Variants in GLE1 observed in about 807,000 individuals in gnomAD.
GLE1 encodes the protein GLE1 RNA export mediator.
GLE1 carries 78 observed loss-of-function variants against 97.3 expected under a neutral mutation model. That is an observed-to-expected ratio of 0.80 (90% CI 0.67 to 0.97). GLE1 has a LOEUF of 0.97. Ranked by LOEUF, GLE1 falls within the 50% of genes least tolerant of loss-of-function variation. The pLI, the probability that GLE1 is intolerant of heterozygous loss-of-function variation, is 0.00. For synonymous variants in GLE1, 302 were observed against 313.4 expected (o/e 0.96, Z 0.39); for missense variants, 753 against 857.5 (o/e 0.88, Z 1.52).
rs764758214 is a variant in GLE1 at position 128,540,241 on chromosome 9, T to TAGGTGTGATTCATGTGTCTTTCTCTCCC, written c.1965-33_1965-6dup. On this transcript the variant is annotated intron_variant, in intron 14 of 15. Coordinates refer to ENST00000309971, the MANE Select transcript of GLE1 (RefSeq NM_001003722.2). ...GTTTCCAAAAGATAGGTGTATATCA[T>TAGGTGTGATTCATGTGTCTTTCTCTCCC]AGGTGTGATTCATGTGTCTTTCTCT... 173 of 1,400,798 alleles carry TAGGTGTGATTCATGTGTCTTTCTCTCCC rather than the reference T, an allele frequency of 1.2e-4. 1 individual carries two copies. The Admixed American group carries it at 2.9e-3, about 23-fold the overall frequency. The allele number at this position is 1,400,798 out of a possible 1,614,324, so 86.8% of individuals were successfully genotyped here.
At chr9:128,539,748 G>A in intron 14 of GLE1, 50 bp downstream of exon 14, 1 of 1,613,714 alleles carries the variant, frequency 6.2e-7, no homozygotes, top group East Asian at 2.2e-5. Context: ...CTCATAACCA[G>A]GCCTCAGATA....
upstream of GLE1, chr9:128,504,714 G>C: frequency 3.4e-6 from 3 of 893,500 alleles, no homozygotes; most frequent in South Asian, 1.3e-5. Context: ...GCGCGTCCCG[G>C]AAGCAGAAGC....
chr9:128,534,127 G>T (rs898970259), intron 11 of GLE1, among the ~76,000 whole-genome samples, 176 bp downstream of exon 11: 7 of 152,108 alleles, frequency 4.6e-5, no homozygotes, highest in African/African-American at 1.7e-4. Context: ...CAACATTTTG[G>T]GAGGCCAAGT....
At chr9:128,505,570 C>A (rs1400011475) in intron 1 of GLE1, among the ~76,000 whole-genome samples, 1 of 152,200 alleles carries the variant, frequency 6.6e-6, no homozygotes, top group African/African-American at 2.4e-5. Flanking sequence ...TGACTGCCAG[C>A]ATATGTGCTT....
intron 1 of GLE1, among the ~76,000 whole-genome samples, chr9:128,506,738 T>C (rs1846650824): frequency 1.3e-5 from 2 of 152,182 alleles, no homozygotes; most frequent in Admixed American, 6.5e-5. Flanking sequence ...CACACACACA[T>C]TTATGTACTG....
rs900331586 is a variant in GLE1 at position 128,531,756 on chromosome 9, C to T, written c.1313-1757C>T. On this transcript the variant is annotated intron_variant, in intron 9 of 15. Coordinates refer to ENST00000309971, the MANE Select transcript of GLE1 (RefSeq NM_001003722.2). ...CTGAGGTGGAAGAATCACTTGAACC[C>T]GGAAGGCAGAGGTTGCAGTGAGGTG... Among the ~76,000 whole-genome samples, 18 of 145,694 alleles carry T rather than the reference C, an allele frequency of 1.2e-4. 1 individual carries two copies. The highest frequency in any genetic ancestry group is 3.4e-3 in the Middle Eastern group (1 of 298).
chr9:128,526,205 A>G (rs1847296235), intron 7 of GLE1, among the ~76,000 whole-genome samples: 1 of 150,650 alleles, frequency 6.6e-6, no homozygotes, highest in African/African-American at 2.4e-5. Flanking sequence ...TATTTTTAGT[A>G]AAGATGGGAT....
intron 3 of GLE1, among the ~76,000 whole-genome samples, chr9:128,522,378 C>A (rs912020444): frequency 6.6e-6 from 1 of 152,076 alleles, no homozygotes; most frequent in Non-Finnish European, 1.5e-5. Flanking sequence ...CATTTTCGGC[C>A]GGGCGAGGTG....
rs779059573 is a variant in GLE1 at position 128,515,664 on chromosome 9, A to T, written c.432+25A>T. On this transcript the variant is annotated intron_variant, in intron 3 of 15. Transcript: ENST00000309971. Reference sequence around the variant, plus strand: ...AGTAAGTGAACCCATGAAGGAAGGCAGCCTTGATCCTGCGAGCCACATTTA... The same window carrying T: ...AGTAAGTGAACCCATGAAGGAAGGCTGCCTTGATCCTGCGAGCCACATTTA... The T allele has an allele frequency of 4.7e-6, 6 of 1,269,288 alleles. No individual in the cohort carries two copies. In the South Asian group the frequency reaches 7.2e-5, roughly 15 times the overall value. The allele number at this position is 1,269,288 out of a possible 1,614,324, so 78.6% of individuals were successfully genotyped here.
At position 128,541,440 on chromosome 9, in the gene GLE1, C is replaced by T; in HGVS notation, c.*270C>T. ...GTTTTTTGCAAAAGTGATAAAAGGT[C>T]TTTAGCACTTGGTCTCCTCCCTTGT... On this transcript the variant is annotated 3_prime_UTR_variant, in exon 16 of 16. Coordinates refer to ENST00000309971, the MANE Select transcript of GLE1 (RefSeq NM_001003722.2). The T allele has an allele frequency of 2.1e-6, 1 of 483,008 alleles. No individual in the cohort carries two copies. The highest frequency in any genetic ancestry group is 3.8e-6 in the Non-Finnish European group (1 of 265,198). 29.9% of individuals were successfully genotyped at this position (483,008 alleles called of 1,614,324 possible). A position where few individuals can be genotyped will look rare whatever the true frequency, so the allele number is the denominator to read the frequency against.
chr9:128,537,632 T>C (rs1183863685), intron 12 of GLE1, among the ~76,000 whole-genome samples: 1 of 151,870 alleles, frequency 6.6e-6, no homozygotes, highest in Middle Eastern at 3.2e-3. Context: ...GGTGAAACCA[T>C]GTCTCTAAAT....
intron 2 of GLE1, among the ~76,000 whole-genome samples, chr9:128,515,062 G>A (rs1427291840): frequency 3.3e-5 from 5 of 152,046 alleles, no homozygotes; most frequent in African/African-American, 4.8e-5. Context: ...TTTGTGATCC[G>A]CCCACCTCTG....
chr9:128,527,208 A>G lies in GLE1; in HGVS notation c.1159A>G (p.Met387Val), dbSNP rs771861115. The G allele has an allele frequency of 4.4e-6, 7 of 1,608,128 alleles. No homozygotes were observed. Among genetic ancestry groups the G allele is most frequent in the Admixed American group, 3.3e-5 (2 of 59,988 alleles). ...DLQVKVQDIT[M>V]QWYQQLQDAS... ...CCAGGTGAAGGTACAAGACATTACA[A>G]TGCAGTGGTACCAGCAGCTGCAGGA... Residue 387 changes from methionine to valine, a missense_variant, in exon 8 of 16, where the codon ATG (methionine) becomes GTG (valine). Met to Val is a conservative substitution (Grantham distance 21, BLOSUM62 1). Coordinates refer to ENST00000309971, the MANE Select transcript of GLE1 (RefSeq NM_001003722.2).
chr9:128,536,193 C>T (rs1319604737), intron 11 of GLE1, among the ~76,000 whole-genome samples, 162 bp from the exon 12 acceptor site: 1 of 152,030 alleles, frequency 6.6e-6, no homozygotes, highest in Non-Finnish European at 1.5e-5. Context: ...ACCACCATAC[C>T]CAGTTAATTT....
intron 2 of GLE1, among the ~76,000 whole-genome samples, chr9:128,511,376 A>T (rs1031473762): frequency 6.6e-6 from 1 of 151,104 alleles, no homozygotes; most frequent in African/African-American, 2.4e-5. Flanking sequence ...CGTCTTAAGG[A>T]AAAAAAGGAA....
At chr9:128,505,722 T>TA (rs1248663401) in intron 1 of GLE1, among the ~76,000 whole-genome samples, 5 of 152,240 alleles carry the variant, frequency 3.3e-5, no homozygotes, top group Non-Finnish European at 7.3e-5. Context: ...ATCACCTGGT[T>TA]ACGTTATTAT....
rs1232004204 is a variant in GLE1 at position 128,527,486 on chromosome 9, G to T, written c.1273G>T (p.Ala425Ser). 1 of 1,613,390 alleles carries T rather than the reference G, an allele frequency of 6.2e-7. No individual in the cohort carries two copies. The highest frequency in any genetic ancestry group is 1.7e-5 in the Admixed American group (1 of 60,014). Reference sequence around the variant, plus strand: ...AAAGATAAAGATGGACCTCCAGAAGGCTGCTACCATCCCAGTGAGCCAAAT... The same window carrying T: ...AAAGATAAAGATGGACCTCCAGAAGTCTGCTACCATCCCAGTGAGCCAAAT... ...AKKIKMDLQKAATIPVSQIST... is the reference protein window; with the variant it reads ...AKKIKMDLQKSATIPVSQIST... The change falls in exon 9 of 16, where the codon GCT becomes TCT. Residue 425 changes from alanine (A) to serine (S), a missense_variant. Transcript: ENST00000309971.
At chr9:128,517,852 TATC>T (rs1310546393) in intron 3 of GLE1, among the ~76,000 whole-genome samples, 5 of 152,274 alleles carry the variant, frequency 3.3e-5, no homozygotes, top group South Asian at 4.1e-4. Flanking sequence ...TCTCATTTCT[TATC>T]ATATTCAGAG....
rs769258406 is a variant in GLE1 at position 128,515,677 on chromosome 9, C to T, written c.432+38C>T. On this transcript the variant is annotated intron_variant, in intron 3 of 15. Transcript: ENST00000309971. The stretch of plus-strand genomic sequence containing the variant: ...ATGAAGGAAGGCAGCCTTGATCCTG[C>T]GAGCCACATTTAACTGCAGTTCCCC... 34 of 1,090,560 alleles carry T rather than the reference C, an allele frequency of 3.1e-5. 1 individual carries two copies. Among genetic ancestry groups the T allele is most frequent in the East Asian group, 1.2e-4 (5 of 40,080 alleles). The allele number at this position is 1,090,560 out of a possible 1,614,324, so 67.6% of individuals were successfully genotyped here.
Sources: gnomAD v4.1 joint callset for allele counts (sites outside exome capture counted in the v4.1 genomes callset) on GRCh38, gnomAD v4.1.1 for gene constraint, MANE v1.5 for transcripts, NCBI Gene and HGNC (gene_info 2026-07-23, HGNC 2026-07-21) for gene names.